LHFPL3: variants seen among roughly 807,000 people sequenced by gnomAD.
The protein encoded by LHFPL3 is LHFPL tetraspan subfamily member 3.
Under a neutral mutation model 19.3 loss-of-function variants are expected in LHFPL3, and 5 were observed. The observed-to-expected ratio is 0.26, with a 90% CI of 0.14 to 0.54. The LOEUF is 0.54. Among genes scored for constraint, LHFPL3 ranks in the 20% least tolerant of loss-of-function variants. The pLI, the probability that LHFPL3 is intolerant of heterozygous loss-of-function variation, is 0.94. For missense variants in LHFPL3, 249 were observed against 307.4 expected (o/e 0.81, Z 1.42); for synonymous variants, 133 against 126.2 (o/e 1.05, Z -0.36).
intron 2 of LHFPL3, among the ~76,000 whole-genome samples, chr7:104,774,793 AATCTCTGTTTGTAGTATAAGGAGC>A (rs1276416430): frequency 1.3e-5 from 2 of 152,142 alleles, no homozygotes; most frequent in Admixed American, 6.5e-5. Context: ...TTGCTCTGAG[AATCTCTGTTTGTAGTATAAGGAGC>A]ATGCTGGATT....
At chr7:104,656,952 C>T (rs1792132535) in intron 1 of LHFPL3, among the ~76,000 whole-genome samples, 1 of 152,168 alleles carries the variant, frequency 6.6e-6, no homozygotes, top group East Asian at 1.9e-4. Context: ...TTCACAAGCC[C>T]ACACCTGAAG....
chr7:104,588,711 A>G (rs1790639508), intron 1 of LHFPL3, among the ~76,000 whole-genome samples: 1 of 152,082 alleles, frequency 6.6e-6, no homozygotes, highest in African/African-American at 2.4e-5. Flanking sequence ...CTTGGGCAGT[A>G]TGGCCATTTT....
intron 1 of LHFPL3, among the ~76,000 whole-genome samples, chr7:104,708,351 T>C (rs1421613024): frequency 6.6e-6 from 1 of 152,262 alleles, no homozygotes; most frequent in Non-Finnish European, 1.5e-5. Flanking sequence ...TGACATTTAC[T>C]GTACTTCCAT....
At chr7:104,609,171 A>G (rs1791163842) in intron 1 of LHFPL3, among the ~76,000 whole-genome samples, 1 of 152,074 alleles carries the variant, frequency 6.6e-6, no homozygotes, top group Non-Finnish European at 1.5e-5. Context: ...AGGCTGAGGT[A>G]GGAGAATTGC....
intron 1 of LHFPL3, among the ~76,000 whole-genome samples, chr7:104,578,531 T>G (rs1475096605): frequency 6.6e-6 from 1 of 152,212 alleles, no homozygotes; most frequent in Non-Finnish European, 1.5e-5. Flanking sequence ...GATATTATAA[T>G]GTATGATATT....
chr7:104,600,627 T>C (rs966957851), intron 1 of LHFPL3, among the ~76,000 whole-genome samples: 1 of 152,204 alleles, frequency 6.6e-6, no homozygotes, highest in Non-Finnish European at 1.5e-5. Flanking sequence ...TAAAATCCTC[T>C]TTTTGCTGGC....
intron 2 of LHFPL3, among the ~76,000 whole-genome samples, chr7:104,775,876 A>G (rs1356738542): frequency 6.7e-6 from 1 of 149,678 alleles, no homozygotes; most frequent in Non-Finnish European, 1.5e-5. Context: ...TCAGCTTATC[A>G]GAACATAAAA....
intron 2 of LHFPL3, among the ~76,000 whole-genome samples, chr7:104,788,045 C>A (rs2116439677): frequency 6.6e-6 from 1 of 152,324 alleles, no homozygotes; most frequent in Middle Eastern, 3.4e-3. Flanking sequence ...CTGTGCATCA[C>A]AACCTATCCC....
chr7:104,518,118 T>G (rs1184510083), intron 1 of LHFPL3, among the ~76,000 whole-genome samples: 1 of 152,174 alleles, frequency 6.6e-6, no homozygotes. Context: ...ACAATAGGAA[T>G]AACAACAAAC....
intron 2 of LHFPL3, among the ~76,000 whole-genome samples, chr7:104,749,433 C>A (rs189885242): frequency 0.033 from 5,085 of 151,980 alleles, 3 homozygotes; most frequent in Middle Eastern, 0.068. Flanking sequence ...TGAGGTAACA[C>A]TTTCCACTGA....
intron 1 of LHFPL3, among the ~76,000 whole-genome samples, chr7:104,504,099 G>A (rs531502910): frequency 8.4e-4 from 128 of 152,056 alleles, no homozygotes; most frequent in Non-Finnish European, 1.3e-3. Flanking sequence ...ATCTGTCTTC[G>A]TGAATCTATT....
At chr7:104,549,301 A>AATAT (rs35759876) in intron 1 of LHFPL3, among the ~76,000 whole-genome samples, 30 of 149,166 alleles carry the variant, frequency 2.0e-4, no homozygotes, top group African/African-American at 3.2e-4. Flanking sequence ...ACAATCTGAG[A>AATAT]ATATATATAT....
chr7:104,496,794 A>G (rs1316986511), intron 1 of LHFPL3, among the ~76,000 whole-genome samples: 1 of 152,218 alleles, frequency 6.6e-6, no homozygotes, highest in Non-Finnish European at 1.5e-5. Flanking sequence ...CATCACTACC[A>G]GATGTTAGGA....
intron 2 of LHFPL3, among the ~76,000 whole-genome samples, chr7:104,764,577 A>C (rs1382223069): frequency 6.6e-6 from 1 of 152,168 alleles, no homozygotes; most frequent in Non-Finnish European, 1.5e-5. Context: ...TATTTCAGTT[A>C]CAAAAACCCT....
At chr7:104,795,265 T>C (rs1332156154) in intron 2 of LHFPL3, among the ~76,000 whole-genome samples, 2 of 152,140 alleles carry the variant, frequency 1.3e-5, no homozygotes, top group Non-Finnish European at 2.9e-5. Context: ...GAAATGCACA[T>C]CACGAGCTGC....
At chr7:104,495,015 T>C (rs1193700135) in intron 1 of LHFPL3, among the ~76,000 whole-genome samples, 5 of 152,188 alleles carry the variant, frequency 3.3e-5, no homozygotes, top group African/African-American at 9.7e-5. Context: ...CCCCTTCCTC[T>C]TTCAAAATCC....
chr7:104,735,150 G>C (rs753028178), intron 1 of LHFPL3, among the ~76,000 whole-genome samples: 8 of 152,250 alleles, frequency 5.3e-5, no homozygotes, highest in Non-Finnish European at 1.2e-4. Flanking sequence ...TCCCAGATAG[G>C]CTACTCAGGA....
At chr7:104,433,349 C>T (rs1792036777) in intron 1 of LHFPL3, among the ~76,000 whole-genome samples, 1 of 152,054 alleles carries the variant, frequency 6.6e-6, no homozygotes, top group African/African-American at 2.4e-5. Flanking sequence ...TCACAAATGC[C>T]CTGAAGATCT....
At chr7:104,430,315 G>C (rs945100785) in intron 1 of LHFPL3, among the ~76,000 whole-genome samples, 1 of 140,450 alleles carries the variant, frequency 7.1e-6, no homozygotes, top group African/African-American at 2.6e-5. Context: ...AAGCCTGTTT[G>C]TAGCATCTGC....
Sources: gnomAD v4.1 joint callset for allele counts (sites outside exome capture counted in the v4.1 genomes callset) on GRCh38, gnomAD v4.1.1 for gene constraint, MANE v1.5 for transcripts, NCBI Gene and HGNC (gene_info 2026-07-23, HGNC 2026-07-21) for gene names.